The following ACTR3B variants were observed in gnomAD, a reference collection of about 807,000 sequenced individuals.
The protein encoded by ACTR3B is actin-related protein 3B.
A neutral mutation model predicts 59.0 loss-of-function variants in ACTR3B; 8 were observed. The observed-to-expected ratio is 0.14, with a 90% CI of 0.08 to 0.24. The LOEUF (loss-of-function observed/expected upper bound fraction) is 0.24. Ranked by LOEUF, ACTR3B falls within the 10% of genes least tolerant of loss-of-function variation. ACTR3B has a pLI of 1.00. For missense variants in ACTR3B, 245 were observed against 552.3 expected, an observed-to-expected ratio of 0.44 and a Z score of 5.58; for synonymous variants, 148 against 197.9, an observed-to-expected ratio of 0.75 and a Z score of 2.12.
intron 4 of ACTR3B, among the ~76,000 whole-genome samples, chr7:152,801,984 T>A (rs1460948719): frequency 2.0e-5 from 3 of 152,098 alleles, no homozygotes; most frequent in Non-Finnish European, 4.4e-5. Context: ...GAATTGCACA[T>A]GCAGCCTAGG....
rs545093046 is a variant in ACTR3B, at chr7:152,780,914, T to C, written c.45-2273T>C. On this transcript the variant is annotated intron_variant, in intron 1 of 11. Coordinates refer to ENST00000256001, the MANE Select transcript of ACTR3B (RefSeq NM_020445.6). The stretch of plus-strand genomic sequence containing the variant: ...GGGCTACAGGGCAGTGGGGCAGTCA[T>C]AGTTCACTGCAACCTCGAACTCCTG... Among the ~76,000 whole-genome samples the C allele has an allele frequency of 4.3e-4, 65 of 150,412 alleles. 1 individual carries two copies. Among genetic ancestry groups the C allele is most frequent in the African/African-American group, 1.6e-3 (64 of 40,912 alleles).
chr7:152,795,878 C>T (rs2098214729), intron 2 of ACTR3B, among the ~76,000 whole-genome samples: 1 of 149,660 alleles, frequency 6.7e-6, no homozygotes, highest in African/African-American at 2.5e-5. Flanking sequence ...GTGTCTTGCT[C>T]TGTCACCCAG....
chr7:152,807,867 C>CT (rs1028727042), intron 4 of ACTR3B, among the ~76,000 whole-genome samples: 5 of 151,988 alleles, frequency 3.3e-5, no homozygotes, highest in East Asian at 1.9e-4. Context: ...TTTTACTTAA[C>CT]TTTTTTTTAT....
intron 9 of ACTR3B, among the ~76,000 whole-genome samples, chr7:152,830,303 G>C (rs562997563): frequency 2.3e-3 from 346 of 152,298 alleles, no homozygotes; most frequent in Middle Eastern, 0.01. Context: ...AACAAACCTA[G>C]GAGGGAGGGT....
At chr7:152,819,251 T>C (rs1795961554) in intron 6 of ACTR3B, among the ~76,000 whole-genome samples, 1 of 152,208 alleles carries the variant, frequency 6.6e-6, no homozygotes, top group Non-Finnish European at 1.5e-5. Flanking sequence ...ATTCAGTAAG[T>C]TGTTCTTGCA....
At position 152,788,411 on chromosome 7, in the gene ACTR3B, G is replaced by GTT. The variant is rs1194612264; in HGVS notation, c.100+5186_100+5187dup. Among the ~76,000 whole-genome samples the GTT allele has an allele frequency of 1.3e-3, 176 of 130,784 alleles. 1 individual carries two copies. The highest frequency in any genetic ancestry group is 1.5e-3 in the East Asian group (7 of 4,560). The allele number at this position is 130,784 out of a possible 152,430, so 85.8% of individuals were successfully genotyped here. On this transcript the variant is annotated intron_variant, in intron 2 of 11. Transcript: ENST00000256001. ...TTCAGTAGTGTTCTAATGTTCTAAAGTTTTTTTTTTTTTTTTTTGAGATGG... is the reference window on the plus strand; with the variant it reads ...TTCAGTAGTGTTCTAATGTTCTAAAGTTTTTTTTTTTTTTTTTTTTGAGATGG...
At chr7:152,765,415 CTTT>C (rs761753992) in intron 1 of ACTR3B, among the ~76,000 whole-genome samples, 3 of 128,804 alleles carry the variant, frequency 2.3e-5, no homozygotes, top group Non-Finnish European at 5.0e-5. Flanking sequence ...CTGCGCCTGG[CTTT>C]TTTTTTTTTT....
Position 152,776,830 on chromosome 7 carries a change from A to G in ACTR3B, c.45-6357A>G, listed in dbSNP as rs558998776. Among the ~76,000 whole-genome samples the G allele has an allele frequency of 5.9e-5, 9 of 152,298 alleles. No homozygotes were observed. In the South Asian group the frequency reaches 1.9e-3, roughly 32 times the overall value. Reference sequence around the variant, plus strand: ...CTATTAAGCTGGCCTCACATTATAAATATATACTGTTTTCAAGCACTTTCA... The same window carrying G: ...CTATTAAGCTGGCCTCACATTATAAGTATATACTGTTTTCAAGCACTTTCA... On this transcript the variant is annotated intron_variant, in intron 1 of 11. Coordinates refer to ENST00000256001, the MANE Select transcript of ACTR3B (RefSeq NM_020445.6).
intron 1 of ACTR3B, among the ~76,000 whole-genome samples, chr7:152,779,999 T>C (rs1207213933): frequency 1.3e-5 from 2 of 152,192 alleles, no homozygotes; most frequent in Non-Finnish European, 2.9e-5. Context: ...TTGCCAGTGT[T>C]TTTAAAAATA....
chr7:152,797,286 G>T (rs1228726772), intron 2 of ACTR3B, among the ~76,000 whole-genome samples: 2 of 151,874 alleles, frequency 1.3e-5, no homozygotes, highest in East Asian at 1.9e-4. Context: ...TTGCTATGTT[G>T]CCCAGGCTGT....
At chr7:152,825,221 C>T (rs1796476379) in intron 9 of ACTR3B, 99 bp downstream of exon 9, 1 of 1,192,482 alleles carries the variant, frequency 8.4e-7, no homozygotes, top group Non-Finnish European at 1.1e-6. Flanking sequence ...GTAAATATCC[C>T]TGTTTCACCT....
intron 2 of ACTR3B, among the ~76,000 whole-genome samples, chr7:152,790,577 T>C (rs1458439184): frequency 6.6e-6 from 1 of 152,124 alleles, no homozygotes; most frequent in Non-Finnish European, 1.5e-5. Context: ...TTGAGAACTT[T>C]GCATCAATAT....
At chr7:152,760,481 T>C (rs1386240417) in intron 1 of ACTR3B, among the ~76,000 whole-genome samples, 1 of 152,204 alleles carries the variant, frequency 6.6e-6, no homozygotes, top group Admixed American at 6.5e-5. Flanking sequence ...GAGAATAGCA[T>C]CGATCTCCCA....
At chr7:152,774,260 C>T (rs2098131284) in intron 1 of ACTR3B, among the ~76,000 whole-genome samples, 1 of 152,190 alleles carries the variant, frequency 6.6e-6, no homozygotes, top group Non-Finnish European at 1.5e-5. Flanking sequence ...TCTCAGCCTC[C>T]CGAGTAGCTG....
At chr7:152,774,355 C>T (rs977041275) in intron 1 of ACTR3B, among the ~76,000 whole-genome samples, 12 of 152,192 alleles carry the variant, frequency 7.9e-5, no homozygotes, top group African/African-American at 2.4e-4. Flanking sequence ...AGCCTGGTCT[C>T]GAACTCCCGA....
At chr7:152,828,456 CCCTG>C (rs1174266583) in intron 9 of ACTR3B, among the ~76,000 whole-genome samples, 1 of 152,168 alleles carries the variant, frequency 6.6e-6, no homozygotes, top group Non-Finnish European at 1.5e-5. Flanking sequence ...TCGGTGCACT[CCCTG>C]CTACGCTCCC....
chr7:152,789,265 AC>A (rs1255597176), intron 2 of ACTR3B, among the ~76,000 whole-genome samples: 1 of 148,714 alleles, frequency 6.7e-6, no homozygotes, highest in Admixed American at 6.6e-5. Context: ...AGTGACGCTC[AC>A]CTGTGGTCCC....
intron 9 of ACTR3B, among the ~76,000 whole-genome samples, chr7:152,848,183 C>G: frequency 1.3e-5 from 2 of 152,304 alleles, no homozygotes; most frequent in East Asian, 3.9e-4. Flanking sequence ...CCCGCGTCTT[C>G]GACAGTCGTC....
chr7:152,848,381 C>T (rs1040685576), intron 9 of ACTR3B, among the ~76,000 whole-genome samples: 18 of 152,128 alleles, frequency 1.2e-4, no homozygotes, highest in Admixed American at 1.0e-3. Flanking sequence ...TGCCAGAGAG[C>T]GAGGCTGGAG....
Sources: allele counts gnomAD v4.1 joint callset (sites outside exome capture counted in the v4.1 genomes callset), GRCh38; gene constraint gnomAD v4.1.1; transcripts MANE v1.5; gene names NCBI Gene and HGNC (gene_info 2026-07-23, HGNC 2026-07-21).